EOGT: variants seen among roughly 807,000 people sequenced by gnomAD.
The protein encoded by EOGT is EGF domain-specific O-linked N-acetylglucosamine transferase.
Under a neutral mutation model 70.5 loss-of-function variants are expected in EOGT, and 55 were observed. That is an observed-to-expected ratio of 0.78 (90% CI 0.63 to 0.98). EOGT has a LOEUF of 0.98. Ranked by LOEUF, EOGT falls within the 50% of genes least tolerant of loss-of-function variation. The pLI is 0.00. For synonymous variants in EOGT, 246 were observed against 217.1 expected (o/e 1.13, Z -1.17); for missense variants, 703 against 641.9 (o/e 1.10, Z -1.03).
At chr3:68,993,168 C>A (rs750437565) in intron 10 of EOGT, among the ~76,000 whole-genome samples, 1 of 152,204 alleles carries the variant, frequency 6.6e-6, no homozygotes, top group Non-Finnish European at 1.5e-5. Flanking sequence ...ACTTGAAATT[C>A]TCCCCAGAAA....
At chr3:68,999,538 G>A (rs976850471) in intron 9 of EOGT, among the ~76,000 whole-genome samples, 15 of 152,208 alleles carry the variant, frequency 9.9e-5, no homozygotes, top group Non-Finnish European at 2.1e-4. Flanking sequence ...TTCCCACAGT[G>A]AATAATAACA....
intron 10 of EOGT, among the ~76,000 whole-genome samples, chr3:68,992,613 C>T (rs1189292586): frequency 1.3e-5 from 2 of 152,188 alleles, no homozygotes; most frequent in East Asian, 3.9e-4. Flanking sequence ...ATCTACCATT[C>T]TGGGGTCTGG....
intron 4 of EOGT, among the ~76,000 whole-genome samples, 172 bp downstream of exon 4, chr3:69,009,465 A>G (rs1414515506): frequency 6.6e-6 from 1 of 152,220 alleles, no homozygotes; most frequent in Non-Finnish European, 1.5e-5. Flanking sequence ...TGAATGGGAC[A>G]TAATTTTAAG....
chr3:69,000,934 C>T (rs2091278320), intron 9 of EOGT, among the ~76,000 whole-genome samples: 1 of 151,950 alleles, frequency 6.6e-6, no homozygotes, highest in Non-Finnish European at 1.5e-5. Context: ...TCTTTCCCAC[C>T]CATACTATAC....
intron 6 of EOGT, among the ~76,000 whole-genome samples, chr3:69,007,019 T>C (rs777501048): frequency 5.3e-5 from 8 of 152,182 alleles, no homozygotes; most frequent in Non-Finnish European, 1.2e-4. Context: ...TCTGGGCAAA[T>C]ATAGAGCAGT....
At chr3:68,989,212 A>C (rs1246390179) in intron 10 of EOGT, among the ~76,000 whole-genome samples, 195 bp from the exon 11 acceptor site, 1 of 152,210 alleles carries the variant, frequency 6.6e-6, no homozygotes, top group African/African-American at 2.4e-5. Context: ...TATCATCAGA[A>C]ATAATTATCA....
chr3:68,992,395 T>A (rs1437307185), intron 10 of EOGT, among the ~76,000 whole-genome samples: 3 of 152,198 alleles, frequency 2.0e-5, no homozygotes, highest in Non-Finnish European at 4.4e-5. Context: ...AAATCCTGCA[T>A]GGCAGTCAAA....
chr3:69,009,933 C>CAACAAAAAAAAAAA, intron 3 of EOGT, 73 bp from the exon 4 acceptor site: 20 of 255,176 alleles, frequency 7.8e-5, no homozygotes, highest in South Asian at 2.4e-4. Flanking sequence ...ACAACAACAA[C>CAACAAAAAAAAAAA]AAAAAAAAAA....
At chr3:68,984,935 TC>T (rs1447839584) in intron 14 of EOGT, among the ~76,000 whole-genome samples, 7 of 152,108 alleles carry the variant, frequency 4.6e-5, no homozygotes, top group Non-Finnish European at 7.4e-5. Context: ...GCAGTTTCAG[TC>T]CCTGACTACC....
chr3:69,005,157 G>A lies in EOGT; in HGVS notation c.498C>T (p.Ile166=). ...ATNLYLDLRN[I]KRNHDRFKED... ...TAAAGTACCTGTCATGATTTCTCTT[G>A]ATGTTTCTTAAATCAAGATAGAGAT... The change falls in exon 7 of 18, where the codon ATC becomes ATT. Residue 166 remains isoleucine (I), a synonymous_variant. Coordinates refer to ENST00000383701, the MANE Select transcript of EOGT (RefSeq NM_001278689.2). The A allele has an allele frequency of 6.3e-7, 1 of 1,580,584 alleles. No homozygotes were observed. The highest frequency in any genetic ancestry group is 8.7e-7 in the Non-Finnish European group (1 of 1,151,386).
intron 3 of EOGT, among the ~76,000 whole-genome samples, chr3:69,010,585 A>G (rs2091551990): frequency 6.6e-6 from 1 of 152,242 alleles, no homozygotes; most frequent in African/African-American, 2.4e-5. Flanking sequence ...ATAAACCTTC[A>G]TCATAGAGCT....
chr3:68,987,372 T>C, intron 14 of EOGT, 73 bp downstream of exon 14: 4 of 1,023,988 alleles, frequency 3.9e-6, no homozygotes, highest in Admixed American at 2.4e-5. Context: ...TAACGTAATG[T>C]GAAAAAAAAA....
At chr3:68,987,157 T>A (rs985020625) in intron 14 of EOGT, among the ~76,000 whole-genome samples, 5 of 152,234 alleles carry the variant, frequency 3.3e-5, no homozygotes, top group African/African-American at 1.2e-4. Context: ...TTGCTACTTG[T>A]CTGTCCGGAT....
intron 10 of EOGT, among the ~76,000 whole-genome samples, chr3:68,996,118 CA>C (rs2091140748): frequency 6.6e-6 from 1 of 152,106 alleles, no homozygotes; most frequent in South Asian, 2.1e-4. Flanking sequence ...CCTTTGCTCA[CA>C]AAACATTTCG....
chr3:69,009,933 C>CAAAAAAAAAA, intron 3 of EOGT, 73 bp from the exon 4 acceptor site: 40 of 255,086 alleles, frequency 1.6e-4, no homozygotes, highest in South Asian at 5.2e-4. Flanking sequence ...ACAACAACAA[C>CAAAAAAAAAA]AAAAAAAAAA....
At chr3:69,003,226 G>C (rs1431031163) in intron 8 of EOGT, among the ~76,000 whole-genome samples, 1 of 152,172 alleles carries the variant, frequency 6.6e-6, no homozygotes, top group Non-Finnish European at 1.5e-5. Flanking sequence ...TCAATTTCAT[G>C]GTTGTGATCA....
In EOGT at chr3:69,007,710, C is replaced by T; in HGVS notation, c.420+3G>A. On this transcript the variant is annotated splice_donor_region_variant and intron_variant, in intron 6 of 17. Coordinates refer to ENST00000383701, the MANE Select transcript of EOGT (RefSeq NM_001278689.2). ...TTTATTTAGTAAGGAGCAAAATACC[C>T]ACCGTTTCCTTAGGCTGACAGAGCA... 1 of 1,572,624 alleles carries T rather than the reference C, an allele frequency of 6.4e-7. No individual in the cohort carries two copies. Among genetic ancestry groups the T allele is most frequent in the East Asian group, 2.3e-5 (1 of 44,300 alleles).
intron 9 of EOGT, among the ~76,000 whole-genome samples, chr3:68,998,630 A>C (rs1446904202): frequency 6.6e-6 from 1 of 152,076 alleles, no homozygotes; most frequent in African/African-American, 2.4e-5. Context: ...GAGGCAGGCC[A>C]ATCACTTGAG....
In EOGT at chr3:68,975,449, T is replaced by A. The variant is rs1388788041; in HGVS notation, c.*2169A>T. ...AAATATAGCCGTTTTATTATGAAAT[T>A]GTTCTCAATTTCTGAAATTCTCAGT... On this transcript the variant is annotated 3_prime_UTR_variant, in exon 18 of 18. Coordinates refer to ENST00000383701, the MANE Select transcript of EOGT (RefSeq NM_001278689.2). 1.3e-5 allele frequency: 2 copies of A among 152,660 alleles called. No individual in the cohort carries two copies. The highest frequency in any genetic ancestry group is 4.8e-5 in the African/African-American group (2 of 41,466). The allele number at this position is 152,660 out of a possible 1,614,324, so 9.5% of individuals were successfully genotyped here.
Sources: allele counts gnomAD v4.1 joint callset (sites outside exome capture counted in the v4.1 genomes callset), GRCh38; gene constraint gnomAD v4.1.1; transcripts MANE v1.5; gene names NCBI Gene and HGNC (gene_info 2026-07-23, HGNC 2026-07-21).